Variants in PCDHA6 observed in about 807,000 individuals in gnomAD.
PCDHA6 encodes protocadherin alpha-6.
A neutral mutation model predicts 60.3 loss-of-function variants in PCDHA6; 55 were observed. The ratio of observed to expected loss-of-function variants is 0.91; its 90% CI spans 0.73 to 1.14. PCDHA6 has a LOEUF of 1.14. Ranked by LOEUF, PCDHA6 falls within the 50% of genes most tolerant of loss-of-function variation. The pLI, the probability that PCDHA6 is intolerant of heterozygous loss-of-function variation, is 0.00. For missense variants in PCDHA6, 1,327 were observed against 1,256.5 expected, an observed-to-expected ratio of 1.06 and a Z score of -0.85; for synonymous variants, 652 against 557.9, an observed-to-expected ratio of 1.17 and a Z score of -2.38.
At chr5:140,856,939 G>T (rs1554149308) in intron 1 of PCDHA6, 2 of 1,593,866 alleles carry the variant, frequency 1.3e-6, no homozygotes, top group Non-Finnish European at 1.7e-6. Flanking sequence ...TAAACGAAAG[G>T]ACGGGAGAAA....
intron 1 of PCDHA6, chr5:140,929,229 C>T: frequency 6.2e-7 from 1 of 1,613,880 alleles, no homozygotes; most frequent in South Asian, 1.1e-5. Context: ...ATGCTGCCGA[C>T]CTGCGAAATC....
chr5:140,857,553 C>T, intron 1 of PCDHA6: 1 of 1,597,008 alleles, frequency 6.3e-7, no homozygotes, highest in Non-Finnish European at 8.6e-7. Flanking sequence ...GGCGAGCGCT[C>T]GCTGTCGAGC....
At chr5:140,921,534 G>A (rs1413381073) in intron 1 of PCDHA6, among the ~76,000 whole-genome samples, 3 of 152,130 alleles carry the variant, frequency 2.0e-5, no homozygotes, top group African/African-American at 7.2e-5. Context: ...TCTGCTGATA[G>A]AACATTCTGC....
intron 1 of PCDHA6, among the ~76,000 whole-genome samples, chr5:140,973,273 C>T (rs1180418925): frequency 6.6e-6 from 1 of 152,150 alleles, no homozygotes; most frequent in Non-Finnish European, 1.5e-5. Context: ...ACTTTTATTT[C>T]CCCCAGCACT....
chr5:140,889,035 T>C (rs1554183751), intron 1 of PCDHA6, among the ~76,000 whole-genome samples: 2 of 152,104 alleles, frequency 1.3e-5, no homozygotes. Flanking sequence ...AACCGTAATT[T>C]GATTATAATT....
chr5:140,993,630 C>T (rs1305182880), intron 3 of PCDHA6, among the ~76,000 whole-genome samples: 2 of 152,054 alleles, frequency 1.3e-5, no homozygotes, highest in South Asian at 4.2e-4. Flanking sequence ...TATATATAGT[C>T]GTGTACCAAA....
intron 1 of PCDHA6, among the ~76,000 whole-genome samples, chr5:140,874,530 G>A (rs1332198120): frequency 1.3e-5 from 2 of 152,200 alleles, no homozygotes; most frequent in Admixed American, 1.3e-4. Flanking sequence ...ATGAGATTAG[G>A]CTCCAAAACC....
chr5:141,010,293 G>T lies in PCDHA6; in HGVS notation c.*356G>T. 6.5e-7 allele frequency: 1 copy of T among 1,549,794 alleles called. No homozygotes were observed. Among genetic ancestry groups the T allele is most frequent in the Non-Finnish European group, 8.7e-7 (1 of 1,146,454 alleles). On this transcript the variant is annotated 3_prime_UTR_variant, in exon 4 of 4. Coordinates refer to ENST00000529310, the MANE Select transcript of PCDHA6 (RefSeq NM_018909.4). ...ATCCTGTCTTGATGACACTTGCAGG[G>T]CAGGCTGAAAAGTTTTGAGATTGAG...
At chr5:140,892,811 T>C (rs1554185379) in intron 1 of PCDHA6, among the ~76,000 whole-genome samples, 1 of 152,210 alleles carries the variant, frequency 6.6e-6, no homozygotes, top group Non-Finnish European at 1.5e-5. Context: ...TAACCATATT[T>C]ATCCTACAGT....
At chr5:140,875,130 C>T (rs2055283720) in intron 1 of PCDHA6, among the ~76,000 whole-genome samples, 1 of 151,894 alleles carries the variant, frequency 6.6e-6, no homozygotes, top group Admixed American at 6.6e-5. Context: ...TAACTAAACC[C>T]GCATTTATAA....
intron 1 of PCDHA6, chr5:140,857,275 C>T: frequency 6.3e-7 from 1 of 1,598,374 alleles, no homozygotes; most frequent in Non-Finnish European, 8.6e-7. Context: ...TGGTGCTGGA[C>T]AGCGCTCTGG....
chr5:140,831,988 G>T (rs1771788982), intron 1 of PCDHA6, among the ~76,000 whole-genome samples: 1 of 152,168 alleles, frequency 6.6e-6, no homozygotes, highest in Admixed American at 6.6e-5. Flanking sequence ...TCTCATTACG[G>T]ATTCCATATT....
intron 1 of PCDHA6, among the ~76,000 whole-genome samples, chr5:140,958,321 AAAAT>A: frequency 1.3e-5 from 2 of 152,256 alleles, no homozygotes; most frequent in Middle Eastern, 6.8e-3. Context: ...TAGAGCTCAA[AAAAT>A]AAATAAATCA....
At chr5:140,869,322 C>A (rs1169893950) in intron 1 of PCDHA6, 12 of 1,613,702 alleles carry the variant, frequency 7.4e-6, no homozygotes, top group Non-Finnish European at 1.0e-5. Context: ...CACATGGGGA[C>A]CTTCTGGAGG....
Position 140,828,067 on chromosome 5 carries a change from G to A in PCDHA6, c.-25G>A, listed in dbSNP as rs2150150517. ...ATCTTTATGCGGAAGATCTTCTAAT[G>A]GAAATAAAACCAGAGGTATTTGACA... On this transcript the variant is annotated 5_prime_UTR_variant, in exon 1 of 4. It removes an upstream start codon present in the reference 5' UTR. Transcript: ENST00000529310. 2.6e-6 allele frequency: 4 copies of A among 1,560,446 alleles called. No individual in the cohort carries two copies. Among genetic ancestry groups the A allele is most frequent in the Non-Finnish European group, 8.7e-7 (1 of 1,155,930 alleles).
rs1554169418 is a variant in PCDHA6 at position 140,877,179 on chromosome 5, G to C, written c.2394+46694G>C. 3 of 1,613,712 alleles carry C rather than the reference G, an allele frequency of 1.9e-6. No individual in the cohort carries two copies. The South Asian group carries it at 3.3e-5, about 18-fold the overall frequency. ...ACGCGCCGGCACTGCTGGCGACTCCGGCTGGCAGCGCAGGAGGCGCAGTTA... is the reference window on the plus strand; with the variant it reads ...ACGCGCCGGCACTGCTGGCGACTCCCGCTGGCAGCGCAGGAGGCGCAGTTA... On this transcript the variant is annotated intron_variant, in intron 1 of 3. Coordinates refer to ENST00000529310, the MANE Select transcript of PCDHA6 (RefSeq NM_018909.4).
intron 1 of PCDHA6, chr5:140,856,965 C>T: frequency 1.9e-6 from 3 of 1,590,456 alleles, no homozygotes; most frequent in Non-Finnish European, 2.6e-6. Context: ...GTAAATGATG[C>T]TATTGACTTT....
At chr5:140,884,181 A>G in intron 1 of PCDHA6, 1 of 1,613,332 alleles carries the variant, frequency 6.2e-7, no homozygotes, top group Non-Finnish European at 8.5e-7. Context: ...CGCCCTCTGG[A>G]CGAGGTGGAC....
At chr5:140,830,622 CTTATT>C in intron 1 of PCDHA6, 137 bp downstream of exon 1, 1 of 582,670 alleles carries the variant, frequency 1.7e-6, no homozygotes. Flanking sequence ...TATTGTGTTT[CTTATT>C]TTAATCTCTT....
Sources: gnomAD v4.1 joint callset for allele counts (sites outside exome capture counted in the v4.1 genomes callset) on GRCh38, gnomAD v4.1.1 for gene constraint, MANE v1.5 for transcripts, NCBI Gene and HGNC (gene_info 2026-07-23, HGNC 2026-07-21) for gene names.